The following SIPA1L2 variants were observed in gnomAD, a reference collection of about 807,000 sequenced individuals.
SIPA1L2 encodes the protein signal induced proliferation associated 1 like 2.
SIPA1L2 carries 56 observed loss-of-function variants against 163.9 expected under a neutral mutation model. The observed-to-expected ratio is 0.34, with a 90% confidence interval of 0.28 to 0.43. The LOEUF (loss-of-function observed/expected upper bound fraction) is 0.43. Among genes scored for constraint, SIPA1L2 ranks in the 20% least tolerant of loss-of-function variants. The pLI is 1.00. For missense variants in SIPA1L2, 1,974 were observed against 2,193.5 expected, an observed-to-expected ratio of 0.90 and a Z score of 2.00; for synonymous variants, 877 against 865.7, an observed-to-expected ratio of 1.01 and a Z score of -0.23.
rs1662783368 is a variant in SIPA1L2, at chr1:232,439,792, A to G, written c.3643-296T>C. Among the ~76,000 whole-genome samples, 3 of 152,214 alleles carry G rather than the reference A, an allele frequency of 2.0e-5. No homozygotes were observed. In the South Asian group the frequency reaches 6.2e-4, roughly 32 times the overall value. The stretch of plus-strand genomic sequence containing the variant: ...AGTGTCACTAGCAAAGAAAATAATA[A>G]GCAAAGGTGATATAAACTGGGAAGG... On this transcript the variant is annotated intron_variant, in intron 14 of 22. Transcript: ENST00000674635.
rs1660158374 is a variant in SIPA1L2 at position 232,398,661 on chromosome 1, T to G, written c.*466A>C. On this transcript the variant is annotated 3_prime_UTR_variant, in exon 23 of 23. Transcript: ENST00000674635. Reference sequence around the variant, plus strand: ...GCTGTGGAAATAAAACTACTGTACATCCAAAAAAATAGAGCACCTTTAACA... The same window carrying G: ...GCTGTGGAAATAAAACTACTGTACAGCCAAAAAAATAGAGCACCTTTAACA... 1 of 153,466 alleles carries G rather than the reference T, an allele frequency of 6.5e-6. No homozygotes were observed. The highest frequency in any genetic ancestry group is 2.0e-4 in the South Asian group (1 of 4,890). 9.5% of individuals were successfully genotyped at this position (153,466 alleles called of 1,614,324 possible).
Position 232,509,433 on chromosome 1 carries a change from T to C in SIPA1L2, c.1483+4424A>G, listed in dbSNP as rs113018037. On this transcript the variant is annotated intron_variant, in intron 3 of 22. Coordinates refer to ENST00000674635, the MANE Select transcript of SIPA1L2 (RefSeq NM_020808.5). ...AAGCACTCTGGAAAGTATTGAAAGA[T>C]AGATCCCTGAAAGTCAGTTTCCAAA... 5.3e-3 allele frequency among the ~76,000 whole-genome samples: 805 copies of C among 152,218 alleles called. 8 individuals are homozygous for C. The highest frequency in any genetic ancestry group is 0.018 in the African/African-American group (758 of 41,538).
At position 232,551,606 on chromosome 1, in the gene SIPA1L2, A is replaced by G. The variant is rs770845254; in HGVS notation, c.-270+22568T>C. Among the ~76,000 whole-genome samples, 89 of 152,338 alleles carry G rather than the reference A, an allele frequency of 5.8e-4. 1 individual carries two copies. The highest frequency in any genetic ancestry group is 9.7e-4 in the East Asian group (5 of 5,178). The stretch of plus-strand genomic sequence containing the variant: ...AGGCCCCAGTGGGGGAGGTGAGAAG[A>G]AGGCCTGGAAAGACCCTCCAGCCTC... On this transcript the variant is annotated intron_variant, in intron 2 of 22. Coordinates refer to ENST00000674635, the MANE Select transcript of SIPA1L2 (RefSeq NM_020808.5).
In SIPA1L2 at chr1:232,580,075, T is replaced by C. The variant is rs564777300; in HGVS notation, c.-318-5853A>G. Among the ~76,000 whole-genome samples, 3 of 152,320 alleles carry C rather than the reference T, an allele frequency of 2.0e-5. No individual in the cohort carries two copies. In the South Asian group the frequency reaches 6.2e-4, roughly 32 times the overall value. The stretch of plus-strand genomic sequence containing the variant: ...CTGCTCAACTGAGTATACTTATAGT[T>C]ATTTCTTGATTACATGCTAAATAAG... On this transcript the variant is annotated intron_variant, in intron 1 of 22. Transcript: ENST00000674635.
At chr1:232,510,245 T>TAC (rs554583992) in intron 3 of SIPA1L2, among the ~76,000 whole-genome samples, 151 of 151,698 alleles carry the variant, frequency 1.0e-3, no homozygotes, top group African/African-American at 3.4e-3. Context: ...TATATATATA[T>TAC]ATGAATAAAG....
intron 1 of SIPA1L2, among the ~76,000 whole-genome samples, chr1:232,620,618 A>T (rs1662752371): frequency 6.6e-6 from 1 of 152,232 alleles, no homozygotes; most frequent in Non-Finnish European, 1.5e-5. Flanking sequence ...GCACAGCGAC[A>T]GCAGCCATCA....
intron 2 of SIPA1L2, among the ~76,000 whole-genome samples, chr1:232,541,864 A>T (rs1227049601): frequency 5.1e-5 from 5 of 98,604 alleles, no homozygotes; most frequent in East Asian, 4.2e-4. Context: ...TAAAAAAAAA[A>T]AAAAAAAAAA....
intron 2 of SIPA1L2, among the ~76,000 whole-genome samples, chr1:232,563,939 GGTTT>G (rs1459225890): frequency 1.4e-5 from 2 of 138,150 alleles, no homozygotes; most frequent in East Asian, 2.0e-4. Flanking sequence ...GAACGACAAA[GGTTT>G]GTTTTTTTTT....
intron 2 of SIPA1L2, among the ~76,000 whole-genome samples, chr1:232,519,246 T>G (rs535509785): frequency 6.6e-5 from 10 of 152,330 alleles, no homozygotes; most frequent in African/African-American, 2.2e-4. Flanking sequence ...TCTAAGCATC[T>G]CGGCAGCTTC....
chr1:232,625,939 T>C (rs906576845), intron 1 of SIPA1L2, among the ~76,000 whole-genome samples: 36 of 152,284 alleles, frequency 2.4e-4, no homozygotes, highest in African/African-American at 8.7e-4. Context: ...CCCCGGTCCT[T>C]AGTGAATTTT....
chr1:232,472,217 C>A (rs1158656403), intron 7 of SIPA1L2, among the ~76,000 whole-genome samples: 1 of 152,200 alleles, frequency 6.6e-6, no homozygotes, highest in Non-Finnish European at 1.5e-5. Flanking sequence ...GCCCCCTTCC[C>A]TCCAGGTTTC....
intron 2 of SIPA1L2, among the ~76,000 whole-genome samples, chr1:232,539,459 C>T (rs1657509284): frequency 2.6e-5 from 4 of 152,196 alleles, no homozygotes; most frequent in Non-Finnish European, 4.4e-5. Flanking sequence ...TCTTCAAGGA[C>T]GGGAGAAGAC....
intron 14 of SIPA1L2, among the ~76,000 whole-genome samples, chr1:232,440,534 C>T (rs1323587910): frequency 1.3e-5 from 2 of 152,164 alleles, no homozygotes; most frequent in African/African-American, 2.4e-5. Flanking sequence ...GACAAGGTCG[C>T]GGTCACAGCT....
rs552855528 is a variant in SIPA1L2 at position 232,408,373 on chromosome 1, G to A, written c.4763-4195C>T. On this transcript the variant is annotated intron_variant, in intron 19 of 22. Transcript: ENST00000674635. ...TTAAATGCACAATATTTTTCTATTG[G>A]AAGCTTTTTAATTCTTTTTAATAAC... Among the ~76,000 whole-genome samples, 6 of 151,612 alleles carry A rather than the reference G, an allele frequency of 4.0e-5. No individual in the cohort carries two copies. The South Asian group carries it at 6.3e-4, about 16-fold the overall frequency.
intron 1 of SIPA1L2, among the ~76,000 whole-genome samples, chr1:232,586,760 A>G (rs889206527): frequency 2.6e-5 from 4 of 152,252 alleles, no homozygotes; most frequent in African/African-American, 9.6e-5. Context: ...CCTAGTTACA[A>G]TGCGAAACTG....
At chr1:232,477,928 G>T (rs915495537) in intron 7 of SIPA1L2, among the ~76,000 whole-genome samples, 1 of 152,144 alleles carries the variant, frequency 6.6e-6, no homozygotes, top group Non-Finnish European at 1.5e-5. Flanking sequence ...GATGACGGGG[G>T]TCAAAAGTCA....
intron 5 of SIPA1L2, among the ~76,000 whole-genome samples, chr1:232,487,375 T>C (rs985958444): frequency 6.6e-6 from 1 of 152,218 alleles, no homozygotes; most frequent in Non-Finnish European, 1.5e-5. Flanking sequence ...TCTAAGCATG[T>C]AATCTCATTT....
At chr1:232,620,407 A>C (rs945638828) in intron 1 of SIPA1L2, among the ~76,000 whole-genome samples, 41 of 152,178 alleles carry the variant, frequency 2.7e-4, no homozygotes, top group Non-Finnish European at 4.4e-5. Flanking sequence ...AGATGTGCTA[A>C]GCCTTTGCTA....
chr1:232,596,418 A>T (rs1661257166), intron 1 of SIPA1L2, among the ~76,000 whole-genome samples: 1 of 152,228 alleles, frequency 6.6e-6, no homozygotes, highest in Non-Finnish European at 1.5e-5. Context: ...TGCTGAAACT[A>T]ACTTCACAGG....
Sources: allele counts gnomAD v4.1 joint callset (sites outside exome capture counted in the v4.1 genomes callset), GRCh38; gene constraint gnomAD v4.1.1; transcripts MANE v1.5; gene names NCBI Gene and HGNC (gene_info 2026-07-23, HGNC 2026-07-21).